Variants in SCN9A observed in about 807,000 individuals in gnomAD.
SCN9A encodes the protein sodium channel protein type 9 subunit alpha.
Under a neutral mutation model 187.0 loss-of-function variants are expected in SCN9A, and 131 were observed. That is an observed-to-expected ratio of 0.70 (90% CI 0.61 to 0.81). The LOEUF is 0.81. SCN9A is among the 30% of genes least tolerant of loss of function. The pLI is 0.00. For synonymous variants in SCN9A, 809 were observed against 808.6 expected (o/e 1.00, Z -0.01); for missense variants, 2,252 against 2,396.6 (o/e 0.94, Z 1.26).
At position 166,284,656 on chromosome 2, in the gene SCN9A, G is replaced by C; in HGVS notation, c.1771C>G (p.Pro591Ala). The C allele has an allele frequency of 6.2e-7, 1 of 1,613,966 alleles. No individual in the cohort carries two copies. The highest frequency in any genetic ancestry group is 1.1e-5 in the South Asian group (1 of 91,084). ...CTGCGTCGCTCCTGGGGTCTGTGGG[G>C]CACAAACAGTGAGCCCCTTCTGCTC... ...NESRRGSLFV[P>A]HRPQERRSSN... The change falls in exon 12 of 27, where the codon CCC (proline) becomes GCC (alanine). Residue 591 changes from proline (P) to alanine (A), a missense_variant. Coordinates refer to ENST00000642356, the MANE Select transcript of SCN9A (RefSeq NM_001365536.1).
chr2:166,283,877 T>G (rs1343012238), intron 12 of SCN9A, among the ~76,000 whole-genome samples: 2 of 152,170 alleles, frequency 1.3e-5, no homozygotes, highest in African/African-American at 2.4e-5. Context: ...AGCTACCATT[T>G]ATTAGCTGAG....
At position 166,242,555 on chromosome 2, in the gene SCN9A, T is replaced by C; in HGVS notation, c.3574A>G (p.Ser1192Gly). ...AGGACAATGAAGCTTTCAAACCAACTGTGTTCAACAATCTTGTAGCAGGTT... is the reference window on the plus strand; with the variant it reads ...AGGACAATGAAGCTTTCAAACCAACCGTGTTCAACAATCTTGTAGCAGGTT... The part of the protein sequence containing the change: ...RKTCYKIVEH[S>G]WFESFIVLMI... Residue 1192 changes from serine to glycine, a missense_variant, in exon 19 of 27, where the codon AGT (serine) becomes GGT (glycine). Around this residue, in one of 7 missense-constraint regions of SCN9A, gnomAD observed 313 missense variants for 295.3 expected, o/e 1.06. Transcript: ENST00000642356. 4.4e-6 allele frequency: 7 copies of C among 1,591,634 alleles called. No individual in the cohort carries two copies. The highest frequency in any genetic ancestry group is 6.0e-6 in the Non-Finnish European group (7 of 1,168,234).
At chr2:166,288,681 AG>A in intron 9 of SCN9A, 38 bp from the exon 10 acceptor site, 1 of 1,469,380 alleles carries the variant, frequency 6.8e-7, no homozygotes, top group Non-Finnish European at 9.1e-7. Context: ...AACAATAAAA[AG>A]TTTTTTTAGT....
At chr2:166,238,962 T>A (rs1695441296) in intron 19 of SCN9A, among the ~76,000 whole-genome samples, 1 of 152,204 alleles carries the variant, frequency 6.6e-6, no homozygotes, top group Non-Finnish European at 1.5e-5. Context: ...GTGACAACAT[T>A]AGGTGAGCTC....
intron 19 of SCN9A, among the ~76,000 whole-genome samples, chr2:166,239,537 G>C (rs1431662628): frequency 1.3e-5 from 2 of 152,076 alleles, no homozygotes; most frequent in African/African-American, 4.8e-5. Flanking sequence ...AAGACTGAAT[G>C]GACCTACTAA....
chr2:166,223,398 T>C (rs2106378770), intron 24 of SCN9A, among the ~76,000 whole-genome samples: 1 of 152,316 alleles, frequency 6.6e-6, no homozygotes, highest in Admixed American at 6.5e-5. Flanking sequence ...ACACACACTA[T>C]TCAGCCTTAT....
At chr2:166,322,245 A>T (rs1336488507) in intron 1 of SCN9A, among the ~76,000 whole-genome samples, 2 of 152,068 alleles carry the variant, frequency 1.3e-5, no homozygotes, top group Non-Finnish European at 2.9e-5. Context: ...TTTAATATAC[A>T]GCTCGATTTC....
intron 1 of SCN9A, among the ~76,000 whole-genome samples, chr2:166,330,278 C>A (rs1699468920): frequency 6.6e-6 from 1 of 152,030 alleles, no homozygotes; most frequent in African/African-American, 2.4e-5. Context: ...TCTCCATTGC[C>A]CCCATATCCC....
Position 166,204,515 on chromosome 2 carries a change from A to G in SCN9A, c.4399-51T>C, listed in dbSNP as rs1693704293. 3.4e-6 allele frequency: 4 copies of G among 1,160,456 alleles called. No individual in the cohort carries two copies. In the South Asian group the frequency reaches 6.0e-5, roughly 17 times the overall value. 71.9% of individuals were successfully genotyped at this position (1,160,456 alleles called of 1,614,324 possible). A position where few individuals can be genotyped will look rare whatever the true frequency, so the allele number is the denominator to read the frequency against. On this transcript the variant is annotated intron_variant, in intron 24 of 26. Coordinates refer to ENST00000642356, the MANE Select transcript of SCN9A (RefSeq NM_001365536.1). Reference sequence around the variant, plus strand: ...GTAGTTAAAACCAGAATCATTGTCTACATCTTTCTATAGATTACTAAAATA... The same window carrying G: ...GTAGTTAAAACCAGAATCATTGTCTGCATCTTTCTATAGATTACTAAAATA...
At chr2:166,240,797 C>T (rs1363283084) in intron 19 of SCN9A, among the ~76,000 whole-genome samples, 1 of 152,088 alleles carries the variant, frequency 6.6e-6, no homozygotes, top group Non-Finnish European at 1.5e-5. Flanking sequence ...CTAGGACATT[C>T]CTCAGGGTTG....
At chr2:166,373,508 G>T (rs1700614067) in intron 1 of SCN9A, among the ~76,000 whole-genome samples, 1 of 151,972 alleles carries the variant, frequency 6.6e-6, no homozygotes, top group African/African-American at 2.4e-5. Flanking sequence ...ATACAGAAAA[G>T]AGGGTGAATG....
At chr2:166,261,899 A>G (rs1365505781) in intron 17 of SCN9A, among the ~76,000 whole-genome samples, 1 of 151,972 alleles carries the variant, frequency 6.6e-6, no homozygotes, top group African/African-American at 2.4e-5. Context: ...AGAGAACACA[A>G]AGGTTCAAAG....
At chr2:166,255,366 T>G (rs1043148959) in intron 17 of SCN9A, among the ~76,000 whole-genome samples, 11 of 151,534 alleles carry the variant, frequency 7.3e-5, no homozygotes, top group African/African-American at 2.4e-4. Context: ...GTTAAATATA[T>G]GTATCATATT....
intron 1 of SCN9A, among the ~76,000 whole-genome samples, chr2:166,370,902 A>G (rs1324220860): frequency 1.3e-5 from 2 of 152,218 alleles, no homozygotes; most frequent in African/African-American, 4.8e-5. Flanking sequence ...TAAATTTCCA[A>G]GTGAACAATC....
chr2:166,373,026 A>C (rs2105333461), intron 1 of SCN9A, among the ~76,000 whole-genome samples: 1 of 152,292 alleles, frequency 6.6e-6, no homozygotes, highest in East Asian at 1.9e-4. Context: ...TTTCCAAAAC[A>C]AAAAAACCTC....
At chr2:166,321,669 T>TATC (rs1699246279) in intron 1 of SCN9A, among the ~76,000 whole-genome samples, 1 of 151,996 alleles carries the variant, frequency 6.6e-6, no homozygotes, top group Non-Finnish European at 1.5e-5. Context: ...AGAAGGAAGA[T>TATC]GATAAACCAA....
chr2:166,276,489 A>G (rs566343335), intron 16 of SCN9A: 6 of 152,240 alleles, frequency 3.9e-5, no homozygotes, highest in Non-Finnish European at 7.3e-5. Flanking sequence ...AAATGTAAAA[A>G]TCATTCTTAG....
Position 166,232,949 on chromosome 2 carries a change from G to T in SCN9A, c.3924+391C>A, listed in dbSNP as rs185800040. 8.2e-4 allele frequency among the ~76,000 whole-genome samples: 120 copies of T among 145,696 alleles called. 2 individuals carry two copies. In the East Asian group the frequency reaches 0.022, roughly 26 times the overall value. On this transcript the variant is annotated intron_variant, in intron 21 of 26. Transcript: ENST00000642356. ...ACTAATGAGTATTATACTATTTTTA[G>T]TAATATACTATTTAATTAATGCTAT...
At chr2:166,369,896 C>G (rs1227475537) in intron 1 of SCN9A, among the ~76,000 whole-genome samples, 1 of 152,018 alleles carries the variant, frequency 6.6e-6, no homozygotes, top group African/African-American at 2.4e-5. Flanking sequence ...ATCTAGAACT[C>G]CTGGATCAAG....
Sources: gnomAD v4.1 joint callset for allele counts (sites outside exome capture counted in the v4.1 genomes callset) on GRCh38, gnomAD v4.1.1 for gene constraint, gnomAD v4.1.1 regional missense constraint, MANE v1.5 for transcripts, NCBI Gene and HGNC (gene_info 2026-07-23, HGNC 2026-07-21) for gene names.